The following STRN4 variants were observed in gnomAD, a reference collection of about 807,000 sequenced individuals.
The protein encoded by STRN4 is striatin-4.
STRN4 carries 27 observed loss-of-function variants against 77.9 expected under a neutral mutation model. The ratio of observed to expected loss-of-function variants is 0.35; its 90% CI spans 0.26 to 0.48. The LOEUF (loss-of-function observed/expected upper bound fraction) is 0.48. Ranked by LOEUF, STRN4 falls within the 20% of genes least tolerant of loss-of-function variation. The pLI is 0.99. For synonymous variants in STRN4, 466 were observed against 443.1 expected (o/e 1.05, Z -0.65); for missense variants, 798 against 1,049.7 (o/e 0.76, Z 3.31).
chr19:46,740,778 C>T (rs535946617), intron 1 of STRN4, among the ~76,000 whole-genome samples: 19 of 152,208 alleles, frequency 1.2e-4, no homozygotes, highest in Admixed American at 9.8e-4. Context: ...CAGTCCCATG[C>T]AGGAGACAGG....
chr19:46,723,367 G>A lies in STRN4; in HGVS notation c.1595-83C>T. 5.5e-6 allele frequency: 8 copies of A among 1,448,936 alleles called. No homozygotes were observed. In the South Asian group the frequency reaches 6.8e-5, roughly 12 times the overall value. 89.8% of individuals were successfully genotyped at this position (1,448,936 alleles called of 1,614,324 possible). The stretch of plus-strand genomic sequence containing the variant: ...CAGCCCAGAGCCCCAGCTCTGCCAA[G>A]CCCCAGGCAGCTGGGCTCCAATCAC... On this transcript the variant is annotated intron_variant, in intron 12 of 17. Transcript: ENST00000263280. The surrounding 1 kb of genome is among the most constrained non-coding windows in gnomAD (Gnocchi z 5.5).
At chr19:46,731,909 C>G (rs139752906) in intron 5 of STRN4, 1 of 152,420 alleles carries the variant, frequency 6.6e-6, no homozygotes, top group East Asian at 1.9e-4. Flanking sequence ...TTCAACTAGA[C>G]CTATGTTTAG....
At chr19:46,726,973 C>T (rs2054131785) in intron 9 of STRN4, among the ~76,000 whole-genome samples, 1 of 152,116 alleles carries the variant, frequency 6.6e-6, no homozygotes, top group Non-Finnish European at 1.5e-5. Flanking sequence ...CCCCACCCAG[C>T]CTTACTAGGG....
At chr19:46,725,800 C>T in intron 9 of STRN4, 152 bp from the exon 10 acceptor site, 1 of 964,562 alleles carries the variant, frequency 1.0e-6, no homozygotes, top group East Asian at 2.6e-5. Context: ...GAACTCTCCC[C>T]TTCCTCTGCT....
intron 16 of STRN4, 198 bp from the exon 17 acceptor site, chr19:46,720,969 C>G: frequency 2.0e-6 from 1 of 495,530 alleles, no homozygotes; most frequent in Non-Finnish European, 3.3e-6. Flanking sequence ...TCCATCTCAT[C>G]CCCCAGCATT....
Position 46,733,492 on chromosome 19 carries a change from C to T in STRN4, c.540-256G>A. The T allele has an allele frequency of 2.1e-6, 1 of 483,294 alleles. No homozygotes were observed. The highest frequency in any genetic ancestry group is 3.7e-6 in the Non-Finnish European group (1 of 267,308). 29.9% of individuals were successfully genotyped at this position (483,294 alleles called of 1,614,324 possible). A position where few individuals can be genotyped will look rare whatever the true frequency, so the allele number is the denominator to read the frequency against. ...GGGAAGCCGAAGCACAGGGACCAGC[C>T]TCAGCACCCACCGACAGGGGCTGTG... is the stretch of plus-strand genomic sequence containing the variant. On this transcript the variant is annotated intron_variant, in intron 4 of 17. Coordinates refer to ENST00000263280, the MANE Select transcript of STRN4 (RefSeq NM_013403.3). The surrounding 1 kb of genome is among the most constrained non-coding windows in gnomAD (Gnocchi z 4.3).
Position 46,732,698 on chromosome 19 carries a change from G to A in STRN4, c.737+341C>T, listed in dbSNP as rs2054279640. ...GAGAGTGAACAAGCCAGAGATTCCTGAGGGTGGCGACCACGTGTGCTCCAC... is the reference window on the plus strand; with the variant it reads ...GAGAGTGAACAAGCCAGAGATTCCTAAGGGTGGCGACCACGTGTGCTCCAC... On this transcript the variant is annotated intron_variant, in intron 5 of 17. Coordinates refer to ENST00000263280, the MANE Select transcript of STRN4 (RefSeq NM_013403.3). The A allele has an allele frequency of 3.5e-5, 10 of 284,126 alleles. No homozygotes were observed. In the Admixed American group the frequency reaches 4.4e-4, roughly 12 times the overall value. 17.6% of individuals were successfully genotyped at this position (284,126 alleles called of 1,614,324 possible).
intron 5 of STRN4, chr19:46,732,790 G>T: frequency 6.0e-6 from 3 of 502,752 alleles, no homozygotes; most frequent in East Asian, 3.4e-5. Flanking sequence ...AAGCGGGCAG[G>T]CCTGAGTATC....
intron 4 of STRN4, chr19:46,736,504 T>TA (rs34081190): frequency 5.9e-4 from 56 of 95,236 alleles, no homozygotes; most frequent in East Asian, 1.0e-3. Flanking sequence ...ACAAGGTATC[T>TA]AAAAAAAAAA....
At chr19:46,731,790 A>G (rs1039771312) in intron 5 of STRN4, 2 of 152,528 alleles carry the variant, frequency 1.3e-5, no homozygotes, top group African/African-American at 4.8e-5. Context: ...CCAGCCTCTA[A>G]GTGGGAGAGC....
chr19:46,728,557 C>T, intron 7 of STRN4, 61 bp downstream of exon 7: 1 of 1,571,766 alleles, frequency 6.4e-7, no homozygotes, highest in Non-Finnish European at 8.6e-7. Flanking sequence ...GGCAGCTGAG[C>T]CTGCTCCCAC....
Position 46,719,654 on chromosome 19 carries a change from G to A in STRN4, c.*751C>T, listed in dbSNP as rs1439268401. On this transcript the variant is annotated 3_prime_UTR_variant, in exon 18 of 18. Coordinates refer to ENST00000263280, the MANE Select transcript of STRN4 (RefSeq NM_013403.3). ...AGTGAAATAAATAGAGGGAAAGAGT[G>A]GAGACAGGGAGGAGACTGACTGAGA... The A allele has an allele frequency of 6.6e-6, 1 of 152,602 alleles. No individual in the cohort carries two copies. Among genetic ancestry groups the A allele is most frequent in the Non-Finnish European group, 1.5e-5 (1 of 68,068 alleles). The allele number at this position is 152,602 out of a possible 1,614,324, so 9.5% of individuals were successfully genotyped here. A position where few individuals can be genotyped will look rare whatever the true frequency, so the allele number is the denominator to read the frequency against.
chr19:46,739,734 C>T (rs760957369), intron 1 of STRN4, among the ~76,000 whole-genome samples: 5 of 152,356 alleles, frequency 3.3e-5, no homozygotes, highest in African/African-American at 4.8e-5. Flanking sequence ...GACACTTACT[C>T]GCTACATGAT....
intron 6 of STRN4, among the ~76,000 whole-genome samples, chr19:46,730,189 G>A (rs948655332): frequency 3.9e-5 from 6 of 152,210 alleles, no homozygotes; most frequent in African/African-American, 1.4e-4. Flanking sequence ...CTGCAGTGCT[G>A]CGGCTCCGTG....
intron 1 of STRN4, chr19:46,745,895 C>G: frequency 8.1e-6 from 3 of 372,362 alleles, no homozygotes; most frequent in Non-Finnish European, 1.4e-5. Flanking sequence ...CTCGGCCGGT[C>G]CCGGTGATCC....
Position 46,720,691 on chromosome 19 carries a change from C to G in STRN4, c.2173G>C (p.Glu725Gln). The change falls in exon 17 of 18, where the codon GAG becomes CAG. Residue 725 changes from glutamate to glutamine, a missense_variant. Coordinates refer to ENST00000263280, the MANE Select transcript of STRN4 (RefSeq NM_013403.3). ...CAGGCAACAGCGTGGATGGCCTCCT[C>G]GTGCTTCTTGCGGTGGGCCGTGATC... ...QEITAHRKKHEEAIHAVACHP... is the reference protein window; with the variant it reads ...QEITAHRKKHQEAIHAVACHP... 1.2e-6 allele frequency: 2 copies of G among 1,611,318 alleles called. No homozygotes were observed. The highest frequency in any genetic ancestry group is 1.7e-6 in the Non-Finnish European group (2 of 1,178,530).
Position 46,741,687 on chromosome 19 carries a change from G to C in STRN4, c.283-2799C>G, listed in dbSNP as rs1023342753. Among the ~76,000 whole-genome samples, 2 of 152,236 alleles carry C rather than the reference G, an allele frequency of 1.3e-5. No homozygotes were observed. The highest frequency in any genetic ancestry group is 4.8e-5 in the African/African-American group (2 of 41,476). On this transcript the variant is annotated intron_variant, in intron 1 of 17. Coordinates refer to ENST00000263280, the MANE Select transcript of STRN4 (RefSeq NM_013403.3). The surrounding 1 kb of genome is among the most constrained non-coding windows in gnomAD (Gnocchi z 4.9). The stretch of plus-strand genomic sequence containing the variant: ...TCCCAAAACCTTCTGATACCTGGCA[G>C]CTACTGCCTCTCCGCCCCTCCAGCT...
chr19:46,728,152 G>C (rs1332543219), intron 7 of STRN4, 145 bp from the exon 8 acceptor site: 1 of 806,254 alleles, frequency 1.2e-6, no homozygotes, highest in Non-Finnish European at 2.1e-6. Context: ...AATGGGCAGA[G>C]GAGAGGAGGT....
Position 46,725,332 on chromosome 19 carries a change from C to T in STRN4, c.1472G>A (p.Arg491Lys). The T allele has an allele frequency of 6.2e-7, 1 of 1,614,188 alleles. No homozygotes were observed. Among genetic ancestry groups the T allele is most frequent in the Non-Finnish European group, 8.5e-7 (1 of 1,180,026 alleles). ...AGCAGGCTCAGGGGCACCTCCCTAC[C>T]TGTGAGCCCGGAAAGCATGTATAGG... is the stretch of plus-strand genomic sequence containing the variant. ...VEPIHAFRAH[R>K]GPVLAVAMGS... The change falls in exon 11 of 18, where the codon AGG becomes AAG. Residue 491 changes from arginine to lysine, a missense_variant and splice_region_variant. Coordinates refer to ENST00000263280, the MANE Select transcript of STRN4 (RefSeq NM_013403.3).
Sources: gnomAD v4.1 joint callset for allele counts (sites outside exome capture counted in the v4.1 genomes callset) on GRCh38, gnomAD v4.1.1 for gene constraint, Gnocchi (gnomAD v3.1) non-coding constraint, MANE v1.5 for transcripts, NCBI Gene and HGNC (gene_info 2026-07-23, HGNC 2026-07-21) for gene names.